Variants in PIK3C3 observed in about 807,000 individuals in gnomAD.
PIK3C3 encodes the protein PI3-kinase type 3.
A neutral mutation model predicts 126.1 loss-of-function variants in PIK3C3; 95 were observed. The observed-to-expected ratio is 0.75, with a 90% CI of 0.64 to 0.89. PIK3C3 has a LOEUF of 0.89. Among genes scored for constraint, PIK3C3 ranks in the 40% least tolerant of loss-of-function variants. The pLI, the probability that PIK3C3 is intolerant of heterozygous loss-of-function variation, is 0.00. For synonymous variants in PIK3C3, 374 were observed against 360.0 expected (o/e 1.04, Z -0.44); for missense variants, 829 against 1,063.2 (o/e 0.78, Z 3.06).
Position 41,998,111 on chromosome 18 carries a change from T to G in PIK3C3, c.984+1381T>G, listed in dbSNP as rs148003541. Among the ~76,000 whole-genome samples the G allele has an allele frequency of 1.0e-3, 155 of 152,304 alleles. 2 individuals carry two copies. The highest frequency in any genetic ancestry group is 3.6e-3 in the African/African-American group (150 of 41,582). ...AAATCCAGTTACAGCTCATCTTAACTCTTCAGCTTTTCTGCTTTGTCATTT... is the reference window on the plus strand; with the variant it reads ...AAATCCAGTTACAGCTCATCTTAACGCTTCAGCTTTTCTGCTTTGTCATTT... On this transcript the variant is annotated intron_variant, in intron 9 of 24. Transcript: ENST00000262039.
At chr18:41,973,319 A>C (rs1346542428) in intron 4 of PIK3C3, among the ~76,000 whole-genome samples, 1 of 151,982 alleles carries the variant, frequency 6.6e-6, no homozygotes, top group East Asian at 1.9e-4. Context: ...CTTGCTTCTT[A>C]AATTTTTAGA....
intron 4 of PIK3C3, among the ~76,000 whole-genome samples, 188 bp from the exon 5 acceptor site, chr18:41,987,624 T>C (rs560210763): frequency 6.6e-6 from 1 of 152,016 alleles, no homozygotes; most frequent in East Asian, 1.9e-4. Flanking sequence ...TTAAAAAAAA[T>C]TTAATTGTTT....
At chr18:42,057,362 ATATAT>A (rs1349666547) in intron 21 of PIK3C3, among the ~76,000 whole-genome samples, 1 of 152,160 alleles carries the variant, frequency 6.6e-6, no homozygotes, top group African/African-American at 2.4e-5. Context: ...GTGATAGGTG[ATATAT>A]TATTGTAACT....
intron 9 of PIK3C3, among the ~76,000 whole-genome samples, chr18:42,003,325 A>G (rs1484781713): frequency 1.3e-5 from 2 of 152,244 alleles, no homozygotes; most frequent in African/African-American, 4.8e-5. Flanking sequence ...TTCAACAAAT[A>G]GCAACAGAGG....
intron 2 of PIK3C3, among the ~76,000 whole-genome samples, chr18:41,958,627 AGTC>A (rs1268316038): frequency 1.1e-4 from 17 of 152,108 alleles, no homozygotes; most frequent in African/African-American, 4.1e-4. Context: ...TTTCTTCAGT[AGTC>A]TTTGTGGAGA....
At chr18:42,072,436 C>T (rs748024163) in intron 24 of PIK3C3, among the ~76,000 whole-genome samples, 1 of 152,122 alleles carries the variant, frequency 6.6e-6, no homozygotes, top group Non-Finnish European at 1.5e-5. Flanking sequence ...ATATTTGTTT[C>T]CTAGCAACAC....
chr18:42,064,763 T>G lies in PIK3C3; in HGVS notation c.2456T>G (p.Leu819Trp). ...LRRYSNLILN[L>W]FSLMVDANIP... ...AGGTATTCTAATCTGATTTTGAACT[T>G]GTTTTCCTTGATGGTTGATGCAAAC... The change falls in exon 23 of 25, where the codon TTG (leucine) becomes TGG (tryptophan). Residue 819 changes from leucine to tryptophan, a missense_variant. Around this residue, in one of 4 missense-constraint regions of PIK3C3, gnomAD observed 196 missense variants for 312.8 expected, o/e 0.63. Coordinates refer to ENST00000262039, the MANE Select transcript of PIK3C3 (RefSeq NM_002647.4). 6.3e-7 allele frequency: 1 copy of G among 1,599,278 alleles called. No individual in the cohort carries two copies. Among genetic ancestry groups the G allele is most frequent in the Non-Finnish European group, 8.6e-7 (1 of 1,166,720 alleles).
At position 42,027,483 on chromosome 18, in the gene PIK3C3, A is replaced by G; in HGVS notation, c.1525A>G (p.Arg509Gly). Residue 509 changes from arginine to glycine, a missense_variant, in exon 14 of 25, where the codon AGA (arginine) becomes GGA (glycine). Transcript: ENST00000262039. ...VECEDQDTQQ[R>G]DPKTHEMYLN... ...ATGTGAAGATCAAGATACTCAGCAG[A>G]GAGATCCAAAGACCCATGAGATGTA... 3 of 1,611,228 alleles carry G rather than the reference A, an allele frequency of 1.9e-6. No individual in the cohort carries two copies. The highest frequency in any genetic ancestry group is 2.5e-6 in the Non-Finnish European group (3 of 1,177,662).
chr18:41,998,614 A>G (rs1982138105), intron 9 of PIK3C3, among the ~76,000 whole-genome samples: 1 of 152,212 alleles, frequency 6.6e-6, no homozygotes, highest in Non-Finnish European at 1.5e-5. Context: ...AGTGTGTGAC[A>G]AGTTTCATTT....
chr18:42,006,295 A>G (rs7230883), intron 10 of PIK3C3, among the ~76,000 whole-genome samples: 1 of 145,740 alleles, frequency 6.9e-6, no homozygotes. Flanking sequence ...CCCTCCTGGC[A>G]TGTGGGTGCA....
chr18:41,990,893 A>G (rs112260359), intron 6 of PIK3C3, among the ~76,000 whole-genome samples: 11 of 152,290 alleles, frequency 7.2e-5, no homozygotes, highest in African/African-American at 2.6e-4. Flanking sequence ...GGGGGAAATT[A>G]TATTTCTAAG....
chr18:41,955,911 C>G (rs937254131), intron 1 of PIK3C3, among the ~76,000 whole-genome samples: 3 of 152,020 alleles, frequency 2.0e-5, no homozygotes, highest in African/African-American at 7.3e-5. Context: ...ATGAGGGTTC[C>G]AGTTTCAAAG....
intron 6 of PIK3C3, among the ~76,000 whole-genome samples, chr18:41,991,797 A>G (rs1280407015): frequency 6.6e-6 from 1 of 152,148 alleles, no homozygotes; most frequent in Non-Finnish European, 1.5e-5. Context: ...TTATTTTATA[A>G]ATGGTACTCC....
intron 7 of PIK3C3, 114 bp from the exon 8 acceptor site, chr18:41,995,776 A>G: frequency 2.8e-6 from 2 of 716,810 alleles, no homozygotes; most frequent in Admixed American, 2.5e-5. Flanking sequence ...GTTGTATCAG[A>G]ACAAAACATT....
chr18:41,974,544 A>G (rs1376611555), intron 4 of PIK3C3, among the ~76,000 whole-genome samples: 1 of 149,904 alleles, frequency 6.7e-6, no homozygotes, highest in African/African-American at 2.4e-5. Context: ...TAAATACACT[A>G]TTACCCCCCC....
At chr18:42,071,437 C>T (rs770361845) in intron 24 of PIK3C3, among the ~76,000 whole-genome samples, 1 of 152,172 alleles carries the variant, frequency 6.6e-6, no homozygotes, top group African/African-American at 2.4e-5. Context: ...AAGTTGTTTT[C>T]AGCCTGGCTC....
At chr18:42,058,645 CA>C (rs914306604) in intron 22 of PIK3C3, among the ~76,000 whole-genome samples, 109 of 152,192 alleles carry the variant, frequency 7.2e-4, no homozygotes, top group African/African-American at 2.6e-3. Flanking sequence ...CATTCTGCTA[CA>C]AAAAAATGTT....
chr18:41,968,559 T>G (rs936282398), intron 3 of PIK3C3, among the ~76,000 whole-genome samples: 1 of 152,210 alleles, frequency 6.6e-6, no homozygotes. Context: ...ATTATCTGTT[T>G]TATTGCCAAC....
intron 3 of PIK3C3, among the ~76,000 whole-genome samples, chr18:41,963,138 T>C (rs759503653): frequency 1.3e-5 from 2 of 152,200 alleles, no homozygotes; most frequent in African/African-American, 2.4e-5. Flanking sequence ...TATATCGTTT[T>C]TCTCCTGGGA....
Sources: allele counts gnomAD v4.1 joint callset (sites outside exome capture counted in the v4.1 genomes callset), GRCh38; gene constraint gnomAD v4.1.1; regional missense constraint gnomAD v4.1.1; transcripts MANE v1.5; gene names NCBI Gene and HGNC (gene_info 2026-07-23, HGNC 2026-07-21).